The following POLD3 variants were observed in gnomAD, a reference collection of about 807,000 sequenced individuals.
The protein encoded by POLD3 is DNA polymerase delta subunit 3.
In POLD3, 19 loss-of-function variants were observed where a neutral mutation model predicts 58.2. That is an observed-to-expected ratio of 0.33 (90% CI 0.23 to 0.48). The LOEUF (loss-of-function observed/expected upper bound fraction) is 0.48. Ranked by LOEUF, POLD3 falls within the 20% of genes least tolerant of loss-of-function variation. POLD3 has a pLI of 0.99. For synonymous variants in POLD3, 172 were observed against 193.5 expected (o/e 0.89, Z 0.92); for missense variants, 504 against 545.5 (o/e 0.92, Z 0.76).
chr11:74,604,924 A>G, intron 3 of POLD3, 130 bp downstream of exon 3: 1 of 575,738 alleles, frequency 1.7e-6, no homozygotes, highest in Non-Finnish European at 3.1e-6. Flanking sequence ...CTTGATGGTG[A>G]TGATTATTTT....
intron 2 of POLD3, among the ~76,000 whole-genome samples, chr11:74,594,774 G>A (rs1331675815): frequency 6.6e-6 from 1 of 152,212 alleles, no homozygotes; most frequent in African/African-American, 2.4e-5. Flanking sequence ...CTTGGCGGAA[G>A]GCATCTCTTC....
chr11:74,636,246 A>G lies in POLD3; in HGVS notation c.1169A>G (p.Lys390Arg). 1 of 1,613,184 alleles carries G rather than the reference A, an allele frequency of 6.2e-7. No homozygotes were observed. The highest frequency in any genetic ancestry group is 1.7e-4 in the Middle Eastern group (1 of 6,060). ...AAACGAAAACGCGTACTAAAATCTA[A>G]AACTTACCTGGATGGGGAAGGCTGC... ...KRKRKRVLKS[K>R]TYLDGEGCIV... The change falls in exon 11 of 12, where the codon AAA (lysine) becomes AGA (arginine). Residue 390 changes from lysine to arginine, a missense_variant. This residue lies in a region of POLD3 where 385 missense variants were observed against 370.5 expected (regional missense o/e 1.04). Coordinates refer to ENST00000263681, the MANE Select transcript of POLD3 (RefSeq NM_006591.3).
chr11:74,666,933 T>G (rs2033275786), intron 4 of POLD3, among the ~76,000 whole-genome samples: 1 of 146,886 alleles, frequency 6.8e-6, no homozygotes, highest in Non-Finnish European at 1.5e-5. Flanking sequence ...AACTTACATG[T>G]ATGAGCAATT....
At chr11:74,635,903 C>T (rs565359554) in intron 10 of POLD3, among the ~76,000 whole-genome samples, 2 of 152,186 alleles carry the variant, frequency 1.3e-5, no homozygotes, top group Non-Finnish European at 2.9e-5. Context: ...TCTTTTTAAC[C>T]ATGCTGCCTG....
chr11:74,618,441 GT>G (rs2032146112), intron 5 of POLD3, 95 bp from the exon 6 acceptor site: 2 of 860,302 alleles, frequency 2.3e-6, no homozygotes, highest in Non-Finnish European at 1.8e-6. Flanking sequence ...TGAAAATAAA[GT>G]TTTATACTGA....
At chr11:74,596,942 T>G (rs539939057) in intron 2 of POLD3, among the ~76,000 whole-genome samples, 38 of 152,392 alleles carry the variant, frequency 2.5e-4, no homozygotes, top group Middle Eastern at 3.4e-3. Context: ...AGGATTTTAT[T>G]CATTTTTATG....
At chr11:74,618,928 CT>C in intron 6 of POLD3, 124 bp downstream of exon 6, 1 of 843,680 alleles carries the variant, frequency 1.2e-6, no homozygotes, top group South Asian at 1.9e-5. Flanking sequence ...GATTTTTCTA[CT>C]TTAGTTTGAA....
intron 9 of POLD3, among the ~76,000 whole-genome samples, chr11:74,630,979 A>G (rs1458037931): frequency 1.3e-5 from 2 of 152,244 alleles, no homozygotes; most frequent in Non-Finnish European, 2.9e-5. Context: ...ATAGAGGTAC[A>G]CAGCCTATAA....
chr11:74,668,303 C>CA (rs918377265), intron 4 of POLD3, among the ~76,000 whole-genome samples: 3 of 151,490 alleles, frequency 2.0e-5, no homozygotes, highest in Non-Finnish European at 2.9e-5. Context: ...TTCTGATAGC[C>CA]AAAAAAATGG....
intron 3 of POLD3, among the ~76,000 whole-genome samples, chr11:74,609,372 ATTTTTTTTTTTT>A (rs869157886): frequency 0.094 from 2,523 of 26,834 alleles, 46 homozygotes; most frequent in Middle Eastern, 0.26. Flanking sequence ...ATATATATAT[ATTTTTTTTTTTT>A]TTTTTTTTTT....
intron 7 of POLD3, among the ~76,000 whole-genome samples, chr11:74,620,509 T>C: frequency 6.6e-6 from 1 of 152,164 alleles, no homozygotes; most frequent in Middle Eastern, 3.2e-3. Flanking sequence ...CAAAAGCAAA[T>C]ATTTTGCCTT....
chr11:74,594,180 C>T, intron 2 of POLD3, 64 bp downstream of exon 2: 1 of 942,632 alleles, frequency 1.1e-6, no homozygotes, highest in Non-Finnish European at 1.7e-6. Flanking sequence ...TTATGCTTTG[C>T]TTTTAACTCT....
chr11:74,595,206 A>C (rs933486717), intron 2 of POLD3: 10 of 105,906 alleles, frequency 9.4e-5, no homozygotes, highest in African/African-American at 3.1e-4. Context: ...GGGTTTCACT[A>C]TGTTGCCCAG....
intron 2 of POLD3, among the ~76,000 whole-genome samples, chr11:74,601,135 G>C (rs1202572497): frequency 1.3e-5 from 2 of 152,192 alleles, no homozygotes; most frequent in Non-Finnish European, 2.9e-5. Context: ...GATGATATGG[G>C]CAGGACTATT....
At chr11:74,599,955 T>A (rs780658054) in intron 2 of POLD3, among the ~76,000 whole-genome samples, 3 of 135,720 alleles carry the variant, frequency 2.2e-5, no homozygotes, top group African/African-American at 8.8e-5. Context: ...TTATTATTAT[T>A]ATTTTTTTTT....
At position 74,625,434 on chromosome 11, in the gene POLD3, G is replaced by A. The variant is rs1250269795; in HGVS notation, c.760G>A (p.Glu254Lys). The A allele has an allele frequency of 6.2e-7, 1 of 1,611,462 alleles. No individual in the cohort carries two copies. The highest frequency in any genetic ancestry group is 1.3e-5 in the African/African-American group (1 of 74,640). Residue 254 changes from glutamate to lysine, a missense_variant, in exon 8 of 12, where the codon GAA becomes AAA. Around this residue, in one of 2 missense-constraint regions of POLD3, gnomAD observed 385 missense variants for 370.5 expected, o/e 1.04. Coordinates refer to ENST00000263681, the MANE Select transcript of POLD3 (RefSeq NM_006591.3). ...TAAATTTAAAGTCAATTTGGACTCA[G>A]AACAAGCAGTGAAAGAAGAAAAAAT... ...MNKFKVNLDS[E>K]QAVKEEKIVE... is the part of the protein sequence containing the mutation.
At chr11:74,618,424 AAG>A (rs1333418569) in intron 5 of POLD3, 111 bp from the exon 6 acceptor site, 5 of 740,914 alleles carry the variant, frequency 6.7e-6, no homozygotes, top group Non-Finnish European at 1.1e-5. Context: ...TGGAAGAAGC[AAG>A]AGTTTGAAAA....
chr11:74,630,059 A>C (rs2032546283), intron 9 of POLD3, among the ~76,000 whole-genome samples: 2 of 152,190 alleles, frequency 1.3e-5, no homozygotes, highest in Admixed American at 6.5e-5. Context: ...AATGGGTATA[A>C]AACATTTTAA....
chr11:74,633,238 A>G (rs1434407451), intron 9 of POLD3, among the ~76,000 whole-genome samples: 1 of 152,162 alleles, frequency 6.6e-6, no homozygotes, highest in Non-Finnish European at 1.5e-5. Flanking sequence ...GTTCCTTCAG[A>G]ACAATGGAGG....
Sources: gnomAD v4.1 joint callset for allele counts (sites outside exome capture counted in the v4.1 genomes callset) on GRCh38, gnomAD v4.1.1 for gene constraint, gnomAD v4.1.1 regional missense constraint, MANE v1.5 for transcripts, NCBI Gene and HGNC (gene_info 2026-07-23, HGNC 2026-07-21) for gene names.